The following NPSR1 variants were observed in gnomAD, a reference collection of about 807,000 sequenced individuals.
NPSR1 encodes neuropeptide S receptor 1.
In NPSR1, 48 loss-of-function variants were observed where a neutral mutation model predicts 46.9. That is an observed-to-expected ratio of 1.02 (90% CI 0.81 to 1.30). The LOEUF is 1.30. Ranked by LOEUF, NPSR1 falls within the 50% of genes most tolerant of loss-of-function variation. NPSR1 has a pLI of 0.00. For synonymous variants in NPSR1, 176 were observed against 168.1 expected, an observed-to-expected ratio of 1.05 and a Z score of -0.36; for missense variants, 450 against 449.5, an observed-to-expected ratio of 1.00 and a Z score of -0.01.
chr7:34,872,911 T>C (rs1366428187), intron 8 of NPSR1, among the ~76,000 whole-genome samples: 2 of 151,322 alleles, frequency 1.3e-5, no homozygotes, highest in Non-Finnish European at 2.9e-5. Context: ...TGTGCTTCCC[T>C]TTTAAATATA....
rs752444500 is a variant in NPSR1, at chr7:34,684,635, AAAG to A, written c.238_240del (p.Lys80del). On this transcript the variant is annotated inframe_deletion, in exon 2 of 9. Coordinates refer to ENST00000360581, the MANE Select transcript of NPSR1 (RefSeq NM_207172.2). ...TTGTGCTTTTTTCCACATGGAGGAGAAAGAAGAAGTCAAGAATGACCTTCTTTG... is the reference window on the plus strand; with the variant it reads ...TTGTGCTTTTTTCCACATGGAGGAGAAAGAAGTCAAGAATGACCTTCTTTG... 2.6e-5 allele frequency: 42 copies of A among 1,613,818 alleles called. 1 individual carries two copies. The South Asian group carries it at 2.7e-4, about 11-fold the overall frequency.
At chr7:34,710,866 C>T in intron 2 of NPSR1, 1 of 462,576 alleles carries the variant, frequency 2.2e-6, no homozygotes, top group Non-Finnish European at 4.1e-6. Flanking sequence ...AACAAGTTTG[C>T]CTCAAGAGAT....
chr7:34,661,680 G>A (rs1791459215), intron 1 of NPSR1, among the ~76,000 whole-genome samples: 1 of 152,142 alleles, frequency 6.6e-6, no homozygotes, highest in Non-Finnish European at 1.5e-5. Context: ...GAGGTCTAGG[G>A]TGGGTTCACC....
At chr7:34,771,468 G>A (rs1786681550) in intron 2 of NPSR1, among the ~76,000 whole-genome samples, 1 of 152,082 alleles carries the variant, frequency 6.6e-6, no homozygotes, top group South Asian at 2.1e-4. Flanking sequence ...GCACAAAAGG[G>A]AGATTTATCT....
At chr7:34,823,399 G>GAAAAAGAAAAAAAAAAAAAA (rs1554336128) in intron 4 of NPSR1, among the ~76,000 whole-genome samples, 7 of 68,244 alleles carry the variant, frequency 1.0e-4, no homozygotes, top group African/African-American at 3.6e-4. Flanking sequence ...GACTTCACCA[G>GAAAAAGAAAAAAAAAAAAAA]AAAAAAAAAA....
At chr7:34,671,150 C>T (rs1261307643) in intron 1 of NPSR1, among the ~76,000 whole-genome samples, 1 of 151,818 alleles carries the variant, frequency 6.6e-6, no homozygotes, top group Admixed American at 6.6e-5. Context: ...CTATAATAAC[C>T]ATTTCTCTTT....
At chr7:34,808,587 G>A (rs1788824201) in intron 3 of NPSR1, among the ~76,000 whole-genome samples, 1 of 152,040 alleles carries the variant, frequency 6.6e-6, no homozygotes, top group Admixed American at 6.5e-5. Flanking sequence ...GCTTACCATA[G>A]TTGTTATTAT....
intron 1 of NPSR1, 136 bp downstream of exon 1, chr7:34,658,695 T>A: frequency 1.1e-6 from 1 of 898,502 alleles, no homozygotes; most frequent in Non-Finnish European, 1.7e-6. Context: ...TTTTTAAAAG[T>A]CTGAAGTGCT....
At chr7:34,771,182 C>G (rs1786666013) in intron 2 of NPSR1, among the ~76,000 whole-genome samples, 1 of 152,122 alleles carries the variant, frequency 6.6e-6, no homozygotes, top group South Asian at 2.1e-4. Flanking sequence ...TACCTGTAAT[C>G]CTAGCACTTT....
intron 3 of NPSR1, among the ~76,000 whole-genome samples, chr7:34,790,827 ATATGT>A (rs1787743097): frequency 7.5e-6 from 1 of 133,822 alleles, no homozygotes; most frequent in Admixed American, 8.1e-5. Context: ...GTTATAGGTT[ATATGT>A]TATGTTATAT....
At chr7:34,848,389 A>G (rs1790814663) in intron 7 of NPSR1, 94 bp from the exon 8 acceptor site, 1 of 1,037,478 alleles carries the variant, frequency 9.6e-7, no homozygotes, top group Non-Finnish European at 1.4e-6. Flanking sequence ...CCAGGTCCCA[A>G]AGAACCTCTC....
At chr7:34,819,945 T>C (rs892630070) in intron 4 of NPSR1, among the ~76,000 whole-genome samples, 2 of 152,052 alleles carry the variant, frequency 1.3e-5, no homozygotes, top group Non-Finnish European at 2.9e-5. Flanking sequence ...GGGGGAGGGA[T>C]AGCGTTAGCA....
chr7:34,773,473 T>C (rs1213376616), intron 2 of NPSR1, among the ~76,000 whole-genome samples: 1 of 152,164 alleles, frequency 6.6e-6, no homozygotes, highest in Non-Finnish European at 1.5e-5. Flanking sequence ...TTAGCTGTGT[T>C]GACTATGACT....
intron 3 of NPSR1, among the ~76,000 whole-genome samples, chr7:34,802,183 A>T (rs1316063055): frequency 6.7e-6 from 1 of 150,348 alleles, no homozygotes. Flanking sequence ...TCAAGCTACA[A>T]ATGACTTTCT....
At chr7:34,845,100 T>A in intron 7 of NPSR1, 118 bp downstream of exon 7, 1 of 731,046 alleles carries the variant, frequency 1.4e-6, no homozygotes, top group Non-Finnish European at 2.5e-6. Context: ...TCGGTCTGCT[T>A]AGAAAGGAAT....
chr7:34,692,857 A>C (rs140308945), intron 2 of NPSR1, among the ~76,000 whole-genome samples: 5 of 152,342 alleles, frequency 3.3e-5, no homozygotes, highest in African/African-American at 1.2e-4. Flanking sequence ...AAGTACAATC[A>C]GAAATGATAA....
intron 8 of NPSR1, among the ~76,000 whole-genome samples, chr7:34,869,020 GTTTCTATCA>G (rs1010803389): frequency 4.8e-4 from 72 of 151,572 alleles, no homozygotes; most frequent in Non-Finnish European, 7.8e-4. Context: ...TGCACCTACT[GTTTCTATCA>G]TTTCTATCAT....
intron 6 of NPSR1, among the ~76,000 whole-genome samples, chr7:34,842,453 C>T (rs1790601666): frequency 6.6e-6 from 1 of 152,164 alleles, no homozygotes; most frequent in Non-Finnish European, 1.5e-5. Flanking sequence ...CCACTAGACG[C>T]CAGTAGCACA....
chr7:34,669,483 T>G (rs1444812582), intron 1 of NPSR1, among the ~76,000 whole-genome samples: 5 of 151,558 alleles, frequency 3.3e-5, no homozygotes, highest in Admixed American at 3.3e-4. Flanking sequence ...GCAGGAGAAT[T>G]GCTTGATCCC....
Sources: allele counts gnomAD v4.1 joint callset (sites outside exome capture counted in the v4.1 genomes callset), GRCh38; gene constraint gnomAD v4.1.1; transcripts MANE v1.5; gene names NCBI Gene and HGNC (gene_info 2026-07-23, HGNC 2026-07-21).